Variants in GLUL observed in about 807,000 individuals in gnomAD.
GLUL encodes glutamate-ammonia ligase.
Under a neutral mutation model 36.9 loss-of-function variants are expected in GLUL, and 8 were observed. The ratio of observed to expected loss-of-function variants is 0.22; its 90% confidence interval spans 0.13 to 0.39. GLUL has a LOEUF of 0.39. GLUL is among the 10% of genes least tolerant of loss of function. The probability of loss-of-function intolerance (pLI) is 1.00; values close to 1 mark genes in which losing one functional copy is unlikely to be tolerated. For synonymous variants in GLUL, 182 were observed against 172.8 expected (o/e 1.05, Z -0.42); for missense variants, 315 against 501.8 (o/e 0.63, Z 3.56).
At position 182,387,475 on chromosome 1, in the gene GLUL, C is replaced by T. The variant is rs60335519; in HGVS notation, c.167-183G>A. ...ACCTGTACCTGATCTTATAGCCCTT[C>T]CTATTTGAGTTCCAAGTAAGACCAT... On this transcript the variant is annotated intron_variant, in intron 2 of 6. Transcript: ENST00000331872. Among the ~76,000 whole-genome samples, 66 of 152,250 alleles carry T rather than the reference C, an allele frequency of 4.3e-4. 2 individuals carry two copies. In the East Asian group the frequency reaches 0.012, roughly 29 times the overall value.
chr1:182,385,974 C>T, intron 4 of GLUL, 87 bp from the exon 5 acceptor site: 1 of 1,357,502 alleles, frequency 7.4e-7, no homozygotes, highest in Non-Finnish European at 1.1e-6. Context: ...AAGCCTTGCC[C>T]TCTTGAATCA....
intron 1 of GLUL, chr1:182,390,501 G>T: frequency 2.5e-6 from 1 of 399,062 alleles, no homozygotes; most frequent in Non-Finnish European, 4.4e-6. Context: ...ACTCACCCCA[G>T]CCACAGAAAG....
At chr1:182,390,345 G>A (rs17509341) in intron 1 of GLUL, 12,776 of 397,398 alleles carry the variant, frequency 0.032, 267 homozygotes, top group Non-Finnish European at 0.04. Context: ...TCTTTTCCGT[G>A]AGCCGAGTTG....
At position 182,380,606 on chromosome 1, in the gene GLUL, T is replaced by C. The variant is rs185535914; in HGVS notation, c.*3799A>G. Among the ~76,000 whole-genome samples the C allele has an allele frequency of 6.6e-6, 1 of 152,376 alleles. No homozygotes were observed. The highest frequency in any genetic ancestry group is 6.5e-5 in the Admixed American group (1 of 15,308). On this transcript the variant is annotated 3_prime_UTR_variant, in exon 7 of 7. Coordinates refer to ENST00000331872, the MANE Select transcript of GLUL (RefSeq NM_001033044.4). Reference sequence around the variant, plus strand: ...CCACTTCACCTGGCCTTGATTCTTTTTAAGCTCAATAAAAATGGAACTTTG... The same window carrying C: ...CCACTTCACCTGGCCTTGATTCTTTCTAAGCTCAATAAAAATGGAACTTTG...
intron 1 of GLUL, chr1:182,389,248 A>AG (rs1248808209): frequency 1.2e-5 from 2 of 171,740 alleles, no homozygotes; most frequent in African/African-American, 4.8e-5. Flanking sequence ...TTCCAATATA[A>AG]GTAAAATCCA....
intron 2 of GLUL, among the ~76,000 whole-genome samples, chr1:182,387,810 G>C (rs529749777): frequency 2.6e-5 from 4 of 152,192 alleles, no homozygotes; most frequent in Non-Finnish European, 5.9e-5. Context: ...CTCTCTAGCT[G>C]ACTGAGTTCT....
intron 6 of GLUL, 80 bp from the exon 7 acceptor site, chr1:182,384,803 C>G: frequency 1.0e-6 from 1 of 1,002,006 alleles, no homozygotes; most frequent in Non-Finnish European, 1.6e-6. Context: ...AAATATGATA[C>G]CAGTAGAACA....
rs985290590 is a variant in GLUL, at chr1:182,381,443, G to A, written c.*2962C>T. Among the ~76,000 whole-genome samples the A allele has an allele frequency of 3.3e-5, 5 of 152,162 alleles. No individual in the cohort carries two copies. The highest frequency in any genetic ancestry group is 1.2e-4 in the African/African-American group (5 of 41,442). On this transcript the variant is annotated 3_prime_UTR_variant, in exon 7 of 7. Coordinates refer to ENST00000331872, the MANE Select transcript of GLUL (RefSeq NM_001033044.4). ...CTGGCCTGACTCCTTAAGGTTGAAA[G>A]CTTGGTCATTATTCTGTTTAATCTA...
Position 182,384,414 on chromosome 1 carries a change from G to A in GLUL, c.1113C>T (p.Tyr371=). Residue 371 remains tyrosine, a synonymous_variant, in exon 7 of 7, where the codon TAC becomes TAT. Coordinates refer to ENST00000331872, the MANE Select transcript of GLUL (RefSeq NM_001033044.4). ...TGGAGGTCTAGTCCACTTAATTTTT[G>A]TACTGGAAGGGCTCATCGCCGGTTT... ...LNETGDEPFQ[Y]KN is the part of the protein sequence containing the mutation. The A allele has an allele frequency of 6.2e-7, 1 of 1,611,630 alleles. No homozygotes were observed. The highest frequency in any genetic ancestry group is 8.5e-7 in the Non-Finnish European group (1 of 1,177,900).
At chr1:182,388,471 A>AT in intron 2 of GLUL, 101 bp downstream of exon 2, 1 of 1,043,470 alleles carries the variant, frequency 9.6e-7, no homozygotes, top group Admixed American at 1.8e-5. Flanking sequence ...ACCTTTACAA[A>AT]CAGAAGAAAG....
intron 1 of GLUL, chr1:182,390,764 C>T (rs926078085): frequency 1.8e-5 from 7 of 399,018 alleles, no homozygotes; most frequent in Non-Finnish European, 2.7e-5. Flanking sequence ...GCAGCTGGAG[C>T]GCGACCCGGA....
At chr1:182,391,448 G>A (rs1391028257) in intron 1 of GLUL, 2 of 381,146 alleles carry the variant, frequency 5.2e-6, no homozygotes, top group Admixed American at 4.5e-5. Flanking sequence ...CCCAGAGCCT[G>A]GCCAAGGGCG....
At chr1:182,386,531 G>T in intron 3 of GLUL, 129 bp from the exon 4 acceptor site, 1 of 792,996 alleles carries the variant, frequency 1.3e-6, no homozygotes. Context: ...AACTGACCCA[G>T]TATAGGCCTT....
intron 2 of GLUL, among the ~76,000 whole-genome samples, chr1:182,387,526 A>G (rs1189052326): frequency 6.6e-6 from 1 of 152,224 alleles, no homozygotes; most frequent in African/African-American, 2.4e-5. Flanking sequence ...AAAGAAATAT[A>G]TCAGATACTC....
In GLUL at chr1:182,384,254, A is replaced by T. The variant is rs1650065807; in HGVS notation, c.*151T>A. The T allele has an allele frequency of 1.4e-6, 1 of 705,316 alleles. No individual in the cohort carries two copies. The highest frequency in any genetic ancestry group is 1.5e-5 in the South Asian group (1 of 65,622). The allele number at this position is 705,316 out of a possible 1,614,324, so 43.7% of individuals were successfully genotyped here. On this transcript the variant is annotated 3_prime_UTR_variant, in exon 7 of 7. Coordinates refer to ENST00000331872, the MANE Select transcript of GLUL (RefSeq NM_001033044.4). ...CTTGACCCCTCTATCCCAGCCAAAC[A>T]AAGAAAGCAAGATTAACTGGGCACA... is the stretch of plus-strand genomic sequence containing the variant.
Position 182,387,245 on chromosome 1 carries a change from C to T in GLUL, c.214G>A (p.Gly72Ser). The change falls in exon 3 of 7, where the codon GGT becomes AGT. Residue 72 changes from glycine to serine, a missense_variant. By Grantham distance (56) the Gly-to-Ser change is moderately conservative. Transcript: ENST00000331872. ...ACGAGATACATGTCACTGTTGGAACCCTCAGACTGTAAAGTACTAGAGCCA... is the reference window on the plus strand; with the variant it reads ...ACGAGATACATGTCACTGTTGGAACTCTCAGACTGTAAAGTACTAGAGCCA... ...FDGSSTLQSE[G>S]SNSDMYLVPA... The T allele has an allele frequency of 6.2e-7, 1 of 1,613,124 alleles. No homozygotes were observed. Among genetic ancestry groups the T allele is most frequent in the Non-Finnish European group, 8.5e-7 (1 of 1,179,142 alleles).
rs1216488852 is a variant in GLUL at position 182,378,562 on chromosome 1, T to G, written c.*5843A>C. On this transcript the variant is annotated 3_prime_UTR_variant, in exon 7 of 7. Coordinates refer to ENST00000331872, the MANE Select transcript of GLUL (RefSeq NM_001033044.4). ...ACCACTCCCCATTCCTAGTGACAAC[T>G]TTCTCATCTCGGCGAATTCTCTTGT... 6.6e-6 allele frequency among the ~76,000 whole-genome samples: 1 copy of G among 152,200 alleles called. No individual in the cohort carries two copies. The highest frequency in any genetic ancestry group is 1.5e-5 in the Non-Finnish European group (1 of 68,040).
rs560340787 is a variant in GLUL, at chr1:182,387,248, C to G, written c.211G>C (p.Glu71Gln). ...AGATACATGTCACTGTTGGAACCCT[C>G]AGACTGTAAAGTACTAGAGCCATCG... is the stretch of plus-strand genomic sequence containing the variant. The part of the protein sequence containing the change: ...NFDGSSTLQS[E>Q]GSNSDMYLVP... The change falls in exon 3 of 7, where the codon GAG becomes CAG. Residue 71 changes from glutamate to glutamine, a missense_variant. Around this residue, in one of 3 missense-constraint regions of GLUL, gnomAD observed 256 missense variants for 396.1 expected, o/e 0.65. Transcript: ENST00000331872. 6.2e-7 allele frequency: 1 copy of G among 1,613,286 alleles called. No homozygotes were observed. The highest frequency in any genetic ancestry group is 2.2e-5 in the East Asian group (1 of 44,876).
Position 182,379,991 on chromosome 1 carries a change from T to A in GLUL, c.*4414A>T, listed in dbSNP as rs536119690. On this transcript the variant is annotated 3_prime_UTR_variant, in exon 7 of 7. Coordinates refer to ENST00000331872, the MANE Select transcript of GLUL (RefSeq NM_001033044.4). ...TCCCAAGCAGCTGGGATTACAGGCA[T>A]GTGCCACCACGCCCGGCTAATTTTT... Among the ~76,000 whole-genome samples the A allele has an allele frequency of 6.6e-6, 1 of 151,498 alleles. No homozygotes were observed. Among genetic ancestry groups the A allele is most frequent in the African/African-American group, 2.4e-5 (1 of 41,276 alleles).
Sources: allele counts gnomAD v4.1 joint callset (sites outside exome capture counted in the v4.1 genomes callset), GRCh38; gene constraint gnomAD v4.1.1; regional missense constraint gnomAD v4.1.1; transcripts MANE v1.5; gene names NCBI Gene and HGNC (gene_info 2026-07-23, HGNC 2026-07-21).